Variants in FAM47E observed in about 807,000 individuals in gnomAD.
FAM47E encodes family with sequence similarity 47 member E.
A neutral mutation model predicts 41.6 loss-of-function variants in FAM47E; 32 were observed. The ratio of observed to expected loss-of-function variants is 0.77; its 90% confidence interval spans 0.58 to 1.03. The LOEUF (loss-of-function observed/expected upper bound fraction) is 1.03. Among genes scored for constraint, FAM47E ranks in the 50% least tolerant of loss-of-function variants. The pLI, the probability that FAM47E is intolerant of heterozygous loss-of-function variation, is 0.00. For synonymous variants in FAM47E, 184 were observed against 188.7 expected (o/e 0.98, Z 0.20); for missense variants, 424 against 485.4 (o/e 0.87, Z 1.19).
intron 4 of FAM47E, among the ~76,000 whole-genome samples, chr4:76,270,763 C>G (rs1223489897): frequency 1.3e-5 from 2 of 152,196 alleles, no homozygotes; most frequent in South Asian, 4.1e-4. Flanking sequence ...GTCCCTGTCT[C>G]ATCACCCTGT....
chr4:76,283,450 C>A lies in FAM47E; in HGVS notation c.1174C>A (p.Gln392Lys). The A allele has an allele frequency of 6.5e-7, 1 of 1,533,540 alleles. No individual in the cohort carries two copies. Among genetic ancestry groups the A allele is most frequent in the South Asian group, 1.2e-5 (1 of 83,646 alleles). The allele number at this position is 1,533,540 out of a possible 1,614,324, so 95.0% of individuals were successfully genotyped here. A position where few individuals can be genotyped will look rare whatever the true frequency, so the allele number is the denominator to read the frequency against. ...ACNKTPIKRT[Q>K]A Reference sequence around the variant, plus strand: ...TAATAAGACTCCTATAAAACGAACTCAAGCATAGAAGAATCGTAGGAGAAT... The same window carrying A: ...TAATAAGACTCCTATAAAACGAACTAAAGCATAGAAGAATCGTAGGAGAAT... Residue 392 changes from glutamine to lysine, a missense_variant, in exon 8 of 8, where the codon CAA (glutamine) becomes AAA (lysine). Transcript: ENST00000424749.
chr4:76,251,924 C>T (rs562738122), intron 1 of FAM47E, 104 bp downstream of exon 1: 3 of 1,311,268 alleles, frequency 2.3e-6, no homozygotes, highest in Admixed American at 7.9e-5. Context: ...GAGGTCCAGC[C>T]TGCCTTCCCT....
At chr4:76,225,142 T>C (rs1733372783) in intron 2 of FAM47E, among the ~76,000 whole-genome samples, 1 of 152,214 alleles carries the variant, frequency 6.6e-6, no homozygotes, top group African/African-American at 2.4e-5. Context: ...GGCTGAGTAG[T>C]ATTCCATAGT....
intron 2 of FAM47E, among the ~76,000 whole-genome samples, chr4:76,233,197 C>T (rs1733522235): frequency 1.3e-5 from 2 of 152,092 alleles, no homozygotes; most frequent in African/African-American, 4.8e-5. Flanking sequence ...AATTTAAAAC[C>T]TGGTAAGTTG....
chr4:76,229,525 A>G (rs2109984856), intron 2 of FAM47E, among the ~76,000 whole-genome samples: 1 of 152,320 alleles, frequency 6.6e-6, no homozygotes, highest in South Asian at 2.1e-4. Context: ...CTTTTGTCCT[A>G]TAGGGTGATC....
intron 4 of FAM47E, among the ~76,000 whole-genome samples, chr4:76,269,805 A>T (rs544680228): frequency 6.7e-6 from 1 of 150,236 alleles, no homozygotes; most frequent in Non-Finnish European, 1.5e-5. Flanking sequence ...AAAAAATCTG[A>T]CATAAAGAGA....
At chr4:76,271,325 A>C (rs1326772401) in intron 4 of FAM47E, among the ~76,000 whole-genome samples, 1 of 152,206 alleles carries the variant, frequency 6.6e-6, no homozygotes, top group Non-Finnish European at 1.5e-5. Flanking sequence ...TTTGCTATGG[A>C]TCAAACTGAA....
chr4:76,217,643 G>A, exon 2 of FAM47E: 1 of 652,862 alleles, frequency 1.5e-6, no homozygotes, highest in East Asian at 2.8e-5. Context: ...TGTCCAGCCT[G>A]CAGAACCATG....
At chr4:76,234,087 C>T (rs12331583) in intron 2 of FAM47E, among the ~76,000 whole-genome samples, 1 of 152,118 alleles carries the variant, frequency 6.6e-6, no homozygotes, top group Non-Finnish European at 1.5e-5. Context: ...CAGCCAGCTG[C>T]CCGCGGCACC....
At chr4:76,238,710 A>C (rs895440320) in intron 2 of FAM47E, among the ~76,000 whole-genome samples, 11 of 152,326 alleles carry the variant, frequency 7.2e-5, no homozygotes, top group African/African-American at 2.6e-4. Flanking sequence ...CAGAGACAAC[A>C]TTTAAAAAAA....
At chr4:76,248,164 TCAGCCTCC>T, upstream of FAM47E, among the ~76,000 whole-genome samples, 1 of 152,046 alleles carries the variant, frequency 6.6e-6, no homozygotes. Flanking sequence ...TCCGCCCATC[TCAGCCTCC>T]CAAAGTGCTG....
intron 7 of FAM47E, 157 bp downstream of exon 7, chr4:76,280,498 G>T: frequency 1.9e-6 from 1 of 531,440 alleles, no homozygotes; most frequent in Non-Finnish European, 3.3e-6. Context: ...CTCCCCAGAC[G>T]GGGACTCAGA....
chr4:76,263,583 G>A, intron 2 of FAM47E, 121 bp from the exon 3 acceptor site: 2 of 1,244,334 alleles, frequency 1.6e-6, no homozygotes, highest in South Asian at 3.2e-5. Flanking sequence ...AGAAGTTGGT[G>A]AACAGCACTG....
chr4:76,283,369 ATT>A lies in FAM47E; in HGVS notation c.1105-4_1105-3del. On this transcript the variant is annotated splice_polypyrimidine_tract_variant and intron_variant, in intron 7 of 7. Transcript: ENST00000424749. ...TTGCCAATCTAATGAAGGTTCTCTC[ATT>A]TTTTTTTAGTTCCTTGAGAATATGT... The A allele has an allele frequency of 7.2e-7, 1 of 1,397,152 alleles. No individual in the cohort carries two copies. The highest frequency in any genetic ancestry group is 9.8e-7 in the Non-Finnish European group (1 of 1,024,262). 86.5% of individuals were successfully genotyped at this position (1,397,152 alleles called of 1,614,324 possible). A position where few individuals can be genotyped will look rare whatever the true frequency, so the allele number is the denominator to read the frequency against.
intron 2 of FAM47E, among the ~76,000 whole-genome samples, chr4:76,224,339 CT>C: frequency 6.6e-6 from 1 of 152,254 alleles, no homozygotes; most frequent in African/African-American, 2.4e-5. Flanking sequence ...AGTTTTGCAA[CT>C]TAGAGCCAGG....
intron 1 of FAM47E, among the ~76,000 whole-genome samples, chr4:76,252,124 C>T (rs1339861408): frequency 1.3e-5 from 2 of 152,140 alleles, no homozygotes; most frequent in African/African-American, 2.4e-5. Context: ...GGCTGGTGCC[C>T]TCCTGCTAGC....
chr4:76,265,771 A>C (rs58804635), intron 3 of FAM47E, among the ~76,000 whole-genome samples: 84,825 of 151,986 alleles, frequency 0.56, 24,368 homozygotes, highest in Middle Eastern at 0.65. Flanking sequence ...TCAGAGGGGA[A>C]AGAGAGGGGC....
upstream of FAM47E, among the ~76,000 whole-genome samples, chr4:76,249,647 C>T (rs1345700639): frequency 6.6e-6 from 1 of 152,040 alleles, no homozygotes; most frequent in Non-Finnish European, 1.5e-5. Context: ...ATCACCCAAG[C>T]AGTGTACCCT....
intron 2 of FAM47E, among the ~76,000 whole-genome samples, chr4:76,235,672 A>T (rs1225813219): frequency 6.6e-6 from 1 of 152,234 alleles, no homozygotes; most frequent in Non-Finnish European, 1.5e-5. Context: ...GGTGTTTTTC[A>T]TTCTCATATT....
Sources: gnomAD v4.1 joint callset for allele counts (sites outside exome capture counted in the v4.1 genomes callset) on GRCh38, gnomAD v4.1.1 for gene constraint, MANE v1.5 for transcripts, NCBI Gene and HGNC (gene_info 2026-07-23, HGNC 2026-07-21) for gene names.